The following SYCP1 variants were observed in gnomAD, a reference collection of about 807,000 sequenced individuals.
SYCP1 encodes cancer/testis antigen 8.
In SYCP1, 64 loss-of-function variants were observed where a neutral mutation model predicts 153.1. The ratio of observed to expected loss-of-function variants is 0.42; its 90% CI spans 0.34 to 0.51. The LOEUF (loss-of-function observed/expected upper bound fraction) is 0.51, where lower values mean the gene tolerates loss of function less well. Ranked by LOEUF, SYCP1 falls within the 20% of genes least tolerant of loss-of-function variation. The probability of loss-of-function intolerance (pLI) is 0.06; values close to 1 mark genes in which losing one functional copy is unlikely to be tolerated. For missense variants in SYCP1, 997 were observed against 1,049.0 expected (o/e 0.95, Z 0.68); for synonymous variants, 384 against 341.8 (o/e 1.12, Z -1.36).
At chr1:114,926,204 T>C in intron 21 of SYCP1, 74 bp from the exon 22 acceptor site, 4 of 1,183,414 alleles carry the variant, frequency 3.4e-6, no homozygotes, top group Non-Finnish European at 4.4e-6. Flanking sequence ...TATGCAATAT[T>C]TTTATTAGTC....
chr1:114,891,319 C>T (rs1183203242), intron 15 of SYCP1, among the ~76,000 whole-genome samples: 1 of 152,164 alleles, frequency 6.6e-6, no homozygotes, highest in African/African-American at 2.4e-5. Context: ...GTTACAATAG[C>T]TTGAGAATCA....
At chr1:114,899,795 C>T (rs1342347178) in intron 16 of SYCP1, among the ~76,000 whole-genome samples, 1 of 152,150 alleles carries the variant, frequency 6.6e-6, no homozygotes, top group African/African-American at 2.4e-5. Flanking sequence ...TTTGGCAATC[C>T]TATGTAAGTA....
At chr1:114,885,080 AT>A (rs1266148756) in intron 12 of SYCP1, among the ~76,000 whole-genome samples, 1 of 152,124 alleles carries the variant, frequency 6.6e-6, no homozygotes, top group Non-Finnish European at 1.5e-5. Context: ...CGGGAGATAA[AT>A]TACTTTTCAT....
At chr1:114,859,116 C>A (rs1440230384) in intron 6 of SYCP1, among the ~76,000 whole-genome samples, 4 of 151,998 alleles carry the variant, frequency 2.6e-5, no homozygotes, top group Non-Finnish European at 4.4e-5. Flanking sequence ...GAGACATAGT[C>A]TTGCTCTGTC....
At chr1:114,954,366 T>C in intron 27 of SYCP1, among the ~76,000 whole-genome samples, 1 of 152,052 alleles carries the variant, frequency 6.6e-6, no homozygotes, top group Non-Finnish European at 1.5e-5. Context: ...TTGTGTTTAT[T>C]TTGTATCCTG....
At chr1:114,902,867 A>T (rs1041925404) in intron 16 of SYCP1, among the ~76,000 whole-genome samples, 1 of 152,084 alleles carries the variant, frequency 6.6e-6, no homozygotes, top group Non-Finnish European at 1.5e-5. Flanking sequence ...CAATTCACTT[A>T]CTCATTTAAC....
intron 27 of SYCP1, among the ~76,000 whole-genome samples, chr1:114,954,349 T>C (rs990766072): frequency 6.6e-6 from 1 of 152,006 alleles, no homozygotes; most frequent in African/African-American, 2.4e-5. Context: ...AGAAACATGA[T>C]TGATTTTTGT....
At chr1:114,872,300 G>T (rs1665203979) in intron 8 of SYCP1, among the ~76,000 whole-genome samples, 2 of 152,240 alleles carry the variant, frequency 1.3e-5, no homozygotes, top group Middle Eastern at 3.4e-3. Flanking sequence ...CACTTTTGAA[G>T]GATAGTTTCT....
intron 27 of SYCP1, among the ~76,000 whole-genome samples, chr1:114,951,390 T>A (rs1279791655): frequency 6.6e-6 from 1 of 152,168 alleles, no homozygotes; most frequent in Admixed American, 6.5e-5. Flanking sequence ...AATATACATA[T>A]TATATTTGAA....
At chr1:114,888,101 A>G (rs1021616437) in intron 15 of SYCP1, among the ~76,000 whole-genome samples, 1 of 152,108 alleles carries the variant, frequency 6.6e-6, no homozygotes, top group Non-Finnish European at 1.5e-5. Flanking sequence ...GGAAAATGTG[A>G]TCCTATTTTA....
chr1:114,928,059 G>T (rs1225231084), intron 23 of SYCP1, among the ~76,000 whole-genome samples: 1 of 152,094 alleles, frequency 6.6e-6, no homozygotes. Context: ...AGGCTCAAGT[G>T]ATCCACCTGC....
chr1:114,930,274 AAGTG>A (rs1669536949), intron 23 of SYCP1, among the ~76,000 whole-genome samples: 1 of 152,020 alleles, frequency 6.6e-6, no homozygotes, highest in Non-Finnish European at 1.5e-5. Flanking sequence ...GAAACTAAAA[AAGTG>A]AGCAAATTAA....
intron 25 of SYCP1, among the ~76,000 whole-genome samples, chr1:114,945,479 A>T (rs1224051501): frequency 2.6e-5 from 4 of 151,944 alleles, no homozygotes; most frequent in Admixed American, 2.6e-4. Flanking sequence ...TTTGGAGAAG[A>T]GGTAGGGTAT....
intron 20 of SYCP1, among the ~76,000 whole-genome samples, chr1:114,914,762 G>C (rs1668409119): frequency 6.6e-6 from 1 of 152,200 alleles, no homozygotes; most frequent in Non-Finnish European, 1.5e-5. Flanking sequence ...AACCTGACCA[G>C]ATACTTTTCT....
In SYCP1 at chr1:114,886,278, T is replaced by C. The variant is rs142315110; in HGVS notation, c.1159T>C (p.Leu387=). The change falls in exon 14 of 32, where the codon TTG becomes CTG. Residue 387 remains leucine, a synonymous_variant. Coordinates refer to ENST00000369522, the MANE Select transcript of SYCP1 (RefSeq NM_003176.4). ...TGAATTTGAAACTACTGTCTGCAGC[T>C]TGGAAGAATTATTGAGAACAGAACA... ...VTEFETTVCS[L]EELLRTEQQR... 2.4e-4 allele frequency: 384 copies of C among 1,596,016 alleles called. No homozygotes were observed. The highest frequency in any genetic ancestry group is 3.0e-4 in the Non-Finnish European group (352 of 1,173,204).
rs570633055 is a variant in SYCP1 at position 114,901,849 on chromosome 1, A to C, written c.1320+6340A>C. On this transcript the variant is annotated intron_variant, in intron 16 of 31. Coordinates refer to ENST00000369522, the MANE Select transcript of SYCP1 (RefSeq NM_003176.4). ...AACCTGGTTTAAAAGTTACCTGCTG[A>C]CAAGGTAGAGAAAAGGATGAGACAG... Among the ~76,000 whole-genome samples, 13 of 152,390 alleles carry C rather than the reference A, an allele frequency of 8.5e-5. No homozygotes were observed. In the East Asian group the frequency reaches 2.5e-3, roughly 29 times the overall value.
intron 15 of SYCP1, among the ~76,000 whole-genome samples, chr1:114,892,861 G>C (rs1666816344): frequency 6.6e-6 from 1 of 152,004 alleles, no homozygotes; most frequent in African/African-American, 2.4e-5. Context: ...TTGGGCCCCA[G>C]AGCAGGATGT....
intron 12 of SYCP1, among the ~76,000 whole-genome samples, chr1:114,883,546 A>G (rs1205540540): frequency 1.3e-5 from 2 of 152,204 alleles, no homozygotes; most frequent in African/African-American, 4.8e-5. Context: ...TCCTGGGGAA[A>G]CTTAGGAGCA....
chr1:114,886,158 A>G lies in SYCP1; in HGVS notation c.1039A>G (p.Ile347Val). 6.2e-7 allele frequency: 1 copy of G among 1,609,188 alleles called. No individual in the cohort carries two copies. The highest frequency in any genetic ancestry group is 8.5e-7 in the Non-Finnish European group (1 of 1,178,312). ...TQKALEEDLQ[I>V]ATKTICQLTE... ...AAAGGCTTTAGAGGAAGATTTACAGATAGCAACAAAAACAATTTGTCAGCT... is the reference window on the plus strand; with the variant it reads ...AAAGGCTTTAGAGGAAGATTTACAGGTAGCAACAAAAACAATTTGTCAGCT... Residue 347 changes from isoleucine (I) to valine (V), a missense_variant, in exon 14 of 32, where the codon ATA becomes GTA. Around this residue, in one of 2 missense-constraint regions of SYCP1, gnomAD observed 712 missense variants for 682.9 expected, o/e 1.04. Coordinates refer to ENST00000369522, the MANE Select transcript of SYCP1 (RefSeq NM_003176.4).
Sources: allele counts gnomAD v4.1 joint callset (sites outside exome capture counted in the v4.1 genomes callset), GRCh38; gene constraint gnomAD v4.1.1; regional missense constraint gnomAD v4.1.1; transcripts MANE v1.5; gene names NCBI Gene and HGNC (gene_info 2026-07-23, HGNC 2026-07-21).